The following SF3B6 variants were observed in gnomAD, a reference collection of about 807,000 sequenced individuals.
The protein encoded by SF3B6 is SF3b 14 kDa subunit.
SF3B6 carries 3 observed loss-of-function variants against 15.9 expected under a neutral mutation model. The observed-to-expected ratio is 0.19, with a 90% CI of 0.09 to 0.49. The LOEUF (loss-of-function observed/expected upper bound fraction) is 0.49. Ranked by LOEUF, SF3B6 falls within the 20% of genes least tolerant of loss-of-function variation. The pLI is 0.97. For synonymous variants in SF3B6, 49 were observed against 51.1 expected, an observed-to-expected ratio of 0.96 and a Z score of 0.18; for missense variants, 71 against 154.3, an observed-to-expected ratio of 0.46 and a Z score of 2.86.
intron 2 of SF3B6, among the ~76,000 whole-genome samples, chr2:24,073,246 G>A (rs1007074705): frequency 1.3e-5 from 2 of 152,174 alleles, no homozygotes; most frequent in South Asian, 4.1e-4. Flanking sequence ...CATTACTGTG[G>A]TAAAATAATA....
chr2:24,074,105 C>A lies in SF3B6; in HGVS notation c.120G>T (p.Gly40=). The part of the protein sequence containing the change: ...ITAEEMYDIF[G]KYGPIRQIRV... Reference sequence around the variant, plus strand: ...TGATTTGACGAATAGGTCCATATTTCCCAAATATATCATACATTTCTTCAG... The same window carrying A: ...TGATTTGACGAATAGGTCCATATTTACCAAATATATCATACATTTCTTCAG... Residue 40 remains glycine, a synonymous_variant, in exon 2 of 4, where the codon GGG becomes GGT. Coordinates refer to ENST00000233468, the MANE Select transcript of SF3B6 (RefSeq NM_016047.4). 6.2e-7 allele frequency: 1 copy of A among 1,600,672 alleles called. No homozygotes were observed. The highest frequency in any genetic ancestry group is 1.1e-5 in the South Asian group (1 of 90,426).
In SF3B6 at chr2:24,076,082, A is replaced by G. The variant is rs1664740980; in HGVS notation, c.30+118T>C. 159 of 1,291,568 alleles carry G rather than the reference A, an allele frequency of 1.2e-4. 2 individuals are homozygous for G. In the South Asian group the frequency reaches 1.9e-3, roughly 15 times the overall value. 80.0% of individuals were successfully genotyped at this position (1,291,568 alleles called of 1,614,324 possible). On this transcript the variant is annotated intron_variant, in intron 1 of 3. Transcript: ENST00000233468. ...CGGATAGTGTCTTCGCTGACAGGAT[A>G]GGAATTCTGGAGTTCTCCGCTCTGG...
At chr2:24,071,371 G>A (rs1269558317) in intron 2 of SF3B6, among the ~76,000 whole-genome samples, 3 of 152,054 alleles carry the variant, frequency 2.0e-5, no homozygotes, top group African/African-American at 2.4e-5. Context: ...TTGGGAAGCC[G>A]AGGTGGGAGG....
At chr2:24,074,746 C>T (rs1553322859) in intron 1 of SF3B6, among the ~76,000 whole-genome samples, 1 of 152,212 alleles carries the variant, frequency 6.6e-6, no homozygotes, top group Non-Finnish European at 1.5e-5. Flanking sequence ...CTAAACTCAA[C>T]CTATCTTTCT....
Position 24,067,684 on chromosome 2 carries a change from T to G in SF3B6, c.*78A>C. 8.8e-7 allele frequency: 1 copy of G among 1,135,714 alleles called. No individual in the cohort carries two copies. The highest frequency in any genetic ancestry group is 1.3e-6 in the Non-Finnish European group (1 of 768,068). 70.4% of individuals were successfully genotyped at this position (1,135,714 alleles called of 1,614,324 possible). A position where few individuals can be genotyped will look rare whatever the true frequency, so the allele number is the denominator to read the frequency against. ...AACCTCAAATAAGAAATCACAATATTTAGTATTAATTAAAAAGGAAAAAAA... is the reference window on the plus strand; with the variant it reads ...AACCTCAAATAAGAAATCACAATATGTAGTATTAATTAAAAAGGAAAAAAA... On this transcript the variant is annotated 3_prime_UTR_variant, in exon 4 of 4. Coordinates refer to ENST00000233468, the MANE Select transcript of SF3B6 (RefSeq NM_016047.4).
intron 1 of SF3B6, among the ~76,000 whole-genome samples, 175 bp downstream of exon 1, chr2:24,076,025 T>A (rs1277116123): frequency 6.6e-6 from 1 of 152,148 alleles, no homozygotes; most frequent in Non-Finnish European, 1.5e-5. Flanking sequence ...GACAGAAATG[T>A]GGCTCAAGGA....
At chr2:24,075,352 T>A (rs1664719914) in intron 1 of SF3B6, among the ~76,000 whole-genome samples, 3 of 135,970 alleles carry the variant, frequency 2.2e-5, no homozygotes, top group Admixed American at 2.2e-4. Context: ...TTTCTTTCTT[T>A]CTTTCTGTTT....
chr2:24,069,866 T>C (rs1664626321), intron 2 of SF3B6, among the ~76,000 whole-genome samples: 1 of 152,226 alleles, frequency 6.6e-6, no homozygotes, highest in South Asian at 2.1e-4. Flanking sequence ...TTTTGACTTC[T>C]AAAAACTTAA....
chr2:24,076,140 C>T, intron 1 of SF3B6, 60 bp downstream of exon 1: 1 of 1,607,976 alleles, frequency 6.2e-7, no homozygotes, highest in Middle Eastern at 1.7e-4. Flanking sequence ...CTCCGATCCA[C>T]GCCGCTAAGA....
intron 3 of SF3B6, 106 bp downstream of exon 3, chr2:24,068,215 G>T (rs1272245814): frequency 1.8e-6 from 2 of 1,126,198 alleles, no homozygotes; most frequent in East Asian, 5.1e-5. Flanking sequence ...CGCCCACCTC[G>T]GCCTCCCAAA....
At chr2:24,075,644 G>A (rs943108101) in intron 1 of SF3B6, among the ~76,000 whole-genome samples, 28 of 151,566 alleles carry the variant, frequency 1.8e-4, no homozygotes, top group African/African-American at 6.8e-4. Context: ...TAAGCAGAAG[G>A]ACTTGTTTTA....
rs147045070 is a variant in SF3B6 at position 24,069,089 on chromosome 2, C to T, written c.150-630G>A. Among the ~76,000 whole-genome samples, 16 of 152,306 alleles carry T rather than the reference C, an allele frequency of 1.1e-4. No individual in the cohort carries two copies. In the East Asian group the frequency reaches 1.9e-3, roughly 18 times the overall value. ...CTTAAACTCCTGACTTCAAGTGATC[C>T]GCCTGCCTCAGCCTCCCAAGGTGTT... On this transcript the variant is annotated intron_variant, in intron 2 of 3. Transcript: ENST00000233468.
chr2:24,076,176 C>G (rs1321499657), intron 1 of SF3B6, 24 bp downstream of exon 1: 1 of 1,614,176 alleles, frequency 6.2e-7, no homozygotes, highest in African/African-American at 1.3e-5. Flanking sequence ...TTCTCCCACC[C>G]TCCGCAGAAC....
At chr2:24,074,046 A>T (rs1357040413) in intron 2 of SF3B6, 30 bp downstream of exon 2, 2 of 1,319,248 alleles carry the variant, frequency 1.5e-6, no homozygotes, top group Admixed American at 3.4e-5. Flanking sequence ...TTATGCTATC[A>T]TTTTCTTTAA....
At chr2:24,070,220 G>A (rs149522934) in intron 2 of SF3B6, among the ~76,000 whole-genome samples, 3 of 152,278 alleles carry the variant, frequency 2.0e-5, no homozygotes, top group Admixed American at 2.0e-4. Flanking sequence ...TACCTACCAC[G>A]TATTGGACAC....
chr2:24,070,710 G>A (rs1177089827), intron 2 of SF3B6, among the ~76,000 whole-genome samples: 1 of 152,196 alleles, frequency 6.6e-6, no homozygotes, highest in African/African-American at 2.4e-5. Flanking sequence ...AAATCTCTCA[G>A]TACTGGGCAA....
At chr2:24,075,593 TTA>T (rs200466004) in intron 1 of SF3B6, among the ~76,000 whole-genome samples, 4,006 of 145,826 alleles carry the variant, frequency 0.027, 150 homozygotes, top group African/African-American at 0.087. Flanking sequence ...TTTTTTTTTT[TTA>T]AAAGTTTCCG....
At chr2:24,074,006 C>T in intron 2 of SF3B6, 70 bp downstream of exon 2, 1 of 996,950 alleles carries the variant, frequency 1.0e-6, no homozygotes, top group East Asian at 2.4e-5. Context: ...AGGGTGGCCT[C>T]ATCGTCAGCT....
At chr2:24,068,211 C>T (rs537357092) in intron 3 of SF3B6, 110 bp downstream of exon 3, 3 of 1,094,990 alleles carry the variant, frequency 2.7e-6, no homozygotes, top group Non-Finnish European at 2.6e-6. Context: ...GATCCGCCCA[C>T]CTCGGCCTCC....
Sources: allele counts gnomAD v4.1 joint callset (sites outside exome capture counted in the v4.1 genomes callset), GRCh38; gene constraint gnomAD v4.1.1; transcripts MANE v1.5; gene names NCBI Gene and HGNC (gene_info 2026-07-23, HGNC 2026-07-21).